Variants in AKAP6 observed in about 807,000 individuals in gnomAD.
AKAP6 encodes the protein A-kinase anchoring protein 6, also known as A-kinase anchor protein 6.
A neutral mutation model predicts 188.5 loss-of-function variants in AKAP6; 58 were observed. The ratio of observed to expected loss-of-function variants is 0.31; its 90% CI spans 0.25 to 0.38. The LOEUF is 0.38. Ranked by LOEUF, AKAP6 falls within the 10% of genes least tolerant of loss-of-function variation. The pLI is 1.00. For synonymous variants in AKAP6, 989 were observed against 998.6 expected, an observed-to-expected ratio of 0.99 and a Z score of 0.18; for missense variants, 2,710 against 2,740.0, an observed-to-expected ratio of 0.99 and a Z score of 0.24.
At chr14:32,360,208 A>G (rs1456808696) in intron 1 of AKAP6, among the ~76,000 whole-genome samples, 2 of 151,390 alleles carry the variant, frequency 1.3e-5, no homozygotes, top group East Asian at 2.0e-4. Flanking sequence ...GCTCATTGCA[A>G]CCTCCGCCTC....
In AKAP6 at chr14:32,822,429, T is replaced by A. The variant is rs2034551950; in HGVS notation, c.4616T>A (p.Ile1539Asn). The A allele has an allele frequency of 6.2e-7, 1 of 1,613,914 alleles. No homozygotes were observed. The highest frequency in any genetic ancestry group is 1.3e-5 in the African/African-American group (1 of 74,914). ...AGTGCATCTCATGAAATGGATCGCA[T>A]TTCATATAAAAGTGGCAATATAGAA... ...LASASHEMDR[I>N]SYKSGNIEKT... Residue 1539 changes from isoleucine (I) to asparagine (N), a missense_variant, in exon 13 of 14, where the codon ATT becomes AAT. Physicochemically the swap from Ile to Asn is moderately radical, Grantham distance 149 (BLOSUM62 -3). Transcript: ENST00000280979.
chr14:32,803,020 C>T (rs1316339277), intron 12 of AKAP6, among the ~76,000 whole-genome samples: 1 of 152,136 alleles, frequency 6.6e-6, no homozygotes, highest in Non-Finnish European at 1.5e-5. Context: ...ATTGCTTGAA[C>T]TCGGGAGGCA....
At chr14:32,600,823 C>A in intron 7 of AKAP6, 31 bp downstream of exon 7, 1 of 1,564,824 alleles carries the variant, frequency 6.4e-7, no homozygotes, top group South Asian at 1.2e-5. Flanking sequence ...CTTATTTCCT[C>A]TTATTTCTGT....
intron 2 of AKAP6, among the ~76,000 whole-genome samples, chr14:32,528,332 G>T (rs571923151): frequency 1.1e-4 from 16 of 151,696 alleles, no homozygotes; most frequent in African/African-American, 3.9e-4. Flanking sequence ...TATATTTTGA[G>T]TTAATTTGTG....
chr14:32,820,193 C>T (rs1252080105), intron 12 of AKAP6, among the ~76,000 whole-genome samples: 1 of 151,974 alleles, frequency 6.6e-6, no homozygotes, highest in East Asian at 1.9e-4. Flanking sequence ...CCATACTCAT[C>T]TGCTTGGCTA....
intron 2 of AKAP6, among the ~76,000 whole-genome samples, chr14:32,452,647 A>AG (rs1890979845): frequency 6.6e-6 from 1 of 151,428 alleles, no homozygotes; most frequent in South Asian, 2.1e-4. Flanking sequence ...CTGTTTCTAC[A>AG]GAAAAAAAAA....
intron 1 of AKAP6, among the ~76,000 whole-genome samples, chr14:32,378,206 T>C (rs1888223802): frequency 1.3e-5 from 2 of 152,018 alleles, no homozygotes; most frequent in Non-Finnish European, 2.9e-5. Flanking sequence ...GGGAAAAAAC[T>C]AACATTTAGC....
chr14:32,333,341 G>T (rs3784167), intron 1 of AKAP6, among the ~76,000 whole-genome samples: 5 of 151,766 alleles, frequency 3.3e-5, no homozygotes, highest in Non-Finnish European at 2.9e-5. Context: ...TGTTTTGATC[G>T]CATGGATTCA....
intron 1 of AKAP6, among the ~76,000 whole-genome samples, chr14:32,372,920 G>A (rs1341923896): frequency 1.3e-5 from 2 of 152,014 alleles, no homozygotes; most frequent in Non-Finnish European, 2.9e-5. Context: ...TACTGAGAAT[G>A]ATTGGGGGAA....
intron 12 of AKAP6, among the ~76,000 whole-genome samples, chr14:32,774,466 C>T (rs1248548945): frequency 6.6e-6 from 1 of 152,110 alleles, no homozygotes; most frequent in Non-Finnish European, 1.5e-5. Context: ...TGGCAAGTTT[C>T]CTCTTAGAGT....
intron 1 of AKAP6, among the ~76,000 whole-genome samples, chr14:32,337,720 C>A (rs976241279): frequency 7.1e-6 from 1 of 141,140 alleles, no homozygotes; most frequent in Non-Finnish European, 1.5e-5. Context: ...TATCCTTCCC[C>A]CCTCCCCCCA....
chr14:32,703,245 C>T (rs1333872257), intron 9 of AKAP6, among the ~76,000 whole-genome samples: 1 of 151,958 alleles, frequency 6.6e-6, no homozygotes, highest in African/African-American at 2.4e-5. Context: ...AGAGGGAAAT[C>T]ATAGCAGGCA....
chr14:32,564,483 G>A (rs1884102325), intron 4 of AKAP6, among the ~76,000 whole-genome samples: 1 of 152,176 alleles, frequency 6.6e-6, no homozygotes, highest in Admixed American at 6.5e-5. Context: ...TATTGGAAAG[G>A]CAGCAATAGA....
intron 7 of AKAP6, among the ~76,000 whole-genome samples, chr14:32,608,444 G>C (rs777133681): frequency 2.7e-5 from 4 of 147,870 alleles, no homozygotes; most frequent in Non-Finnish European, 5.9e-5. Flanking sequence ...AGTTTGCAGT[G>C]AGCTGAGATT....
At chr14:32,529,646 G>A (rs1882305939) in intron 2 of AKAP6, among the ~76,000 whole-genome samples, 1 of 152,078 alleles carries the variant, frequency 6.6e-6, no homozygotes, top group Admixed American at 6.6e-5. Flanking sequence ...AAGTTCCCCT[G>A]TACTTCTCCT....
At position 32,662,974 on chromosome 14, in the gene AKAP6, G is replaced by A. The variant is rs1338563106; in HGVS notation, c.2731-15337G>A. The stretch of plus-strand genomic sequence containing the variant: ...AAAAAGTAAGTGAAATGCTTTTCTC[G>A]TTATTTACCAATTTTGGTGGTAAGA... On this transcript the variant is annotated intron_variant, in intron 7 of 13. Transcript: ENST00000280979. 9.9e-5 allele frequency among the ~76,000 whole-genome samples: 15 copies of A among 152,046 alleles called. No homozygotes were observed. The East Asian group carries it at 1.5e-3, about 16-fold the overall frequency.
intron 11 of AKAP6, among the ~76,000 whole-genome samples, chr14:32,742,116 C>T (rs1321898791): frequency 6.6e-6 from 1 of 151,702 alleles, no homozygotes; most frequent in Non-Finnish European, 1.5e-5. Context: ...TTGTATGTGT[C>T]TAGGAATTTG....
intron 2 of AKAP6, among the ~76,000 whole-genome samples, chr14:32,505,251 A>G (rs551041982): frequency 1.9e-4 from 29 of 151,912 alleles, no homozygotes; most frequent in African/African-American, 6.8e-4. Flanking sequence ...TTCTTTCTAT[A>G]TGACAAACCA....
intron 6 of AKAP6, among the ~76,000 whole-genome samples, chr14:32,599,714 G>C (rs1034981918): frequency 6.6e-6 from 1 of 152,120 alleles, no homozygotes; most frequent in Non-Finnish European, 1.5e-5. Context: ...CAAATGGTCT[G>C]TTCATTTTAT....
Sources: allele counts gnomAD v4.1 joint callset (sites outside exome capture counted in the v4.1 genomes callset), GRCh38; gene constraint gnomAD v4.1.1; transcripts MANE v1.5; gene names NCBI Gene and HGNC (gene_info 2026-07-23, HGNC 2026-07-21).